PIP5K1C: variants seen among roughly 807,000 people sequenced by gnomAD.
PIP5K1C encodes phosphatidylinositol-4-phosphate 5-kinase type 1 gamma, also known as phosphatidylinositol 4-phosphate 5-kinase type-1 gamma.
Under a neutral mutation model 80.1 loss-of-function variants are expected in PIP5K1C, and 45 were observed. The ratio of observed to expected loss-of-function variants is 0.56; its 90% confidence interval spans 0.44 to 0.72. PIP5K1C has a LOEUF of 0.72. PIP5K1C is among the 30% of genes least tolerant of loss of function. The pLI, the probability that PIP5K1C is intolerant of heterozygous loss-of-function variation, is 0.00. For missense variants in PIP5K1C, 753 were observed against 954.6 expected, an observed-to-expected ratio of 0.79 and a Z score of 2.78; for synonymous variants, 498 against 420.1, an observed-to-expected ratio of 1.19 and a Z score of -2.27.
intron 5 of PIP5K1C, among the ~76,000 whole-genome samples, chr19:3,658,739 CTG>C (rs1378381280): frequency 3.9e-5 from 6 of 152,218 alleles, no homozygotes; most frequent in African/African-American, 1.2e-4. Context: ...GCGGAAAACA[CTG>C]TGGAAAGGGC....
chr19:3,690,539 C>CTTAG (rs2068163040), intron 1 of PIP5K1C, among the ~76,000 whole-genome samples: 1 of 151,466 alleles, frequency 6.6e-6, no homozygotes, highest in Non-Finnish European at 1.5e-5. Flanking sequence ...TTATAAAAGT[C>CTTAG]TTAGCAGAAT....
Position 3,648,721 on chromosome 19 carries a change from G to A in PIP5K1C, c.1128-13C>T, listed in dbSNP as rs561046703. 1.2e-6 allele frequency: 2 copies of A among 1,610,744 alleles called. No homozygotes were observed. The highest frequency in any genetic ancestry group is 2.2e-5 in the East Asian group (1 of 44,874). The stretch of plus-strand genomic sequence containing the variant: ...GATCCCGCCCATCCTGGGGAGAGAG[G>A]CCGAGGGTACCATCAGCATCCCGCA... On this transcript the variant is annotated splice_polypyrimidine_tract_variant and intron_variant, in intron 8 of 17. Coordinates refer to ENST00000335312, the MANE Select transcript of PIP5K1C (RefSeq NM_012398.3). This position sits in a 1 kb window ranked among gnomAD's most constrained non-coding sequence, Gnocchi z 4.3.
In PIP5K1C at chr19:3,667,582, G is replaced by T. The variant is rs193289688; in HGVS notation, c.95-229C>A. 4.0e-3 allele frequency among the ~76,000 whole-genome samples: 605 copies of T among 152,368 alleles called. 7 individuals carry two copies. The highest frequency in any genetic ancestry group is 0.031 in the Middle Eastern group (9 of 294). On this transcript the variant is annotated intron_variant, in intron 1 of 17. Transcript: ENST00000335312. ...ATGGTCACCCTGGTTGGCAGCCACTGGGGCCTAGAGCAGGGGAGAGGCTTT... is the reference window on the plus strand; with the variant it reads ...ATGGTCACCCTGGTTGGCAGCCACTTGGGCCTAGAGCAGGGGAGAGGCTTT...
chr19:3,656,810 C>T (rs890202158), intron 5 of PIP5K1C, among the ~76,000 whole-genome samples: 1 of 152,226 alleles, frequency 6.6e-6, no homozygotes, highest in African/African-American at 2.4e-5. Flanking sequence ...CTGCTGCTCT[C>T]CTTAGGAGCG....
At chr19:3,633,218 C>T (rs1300072371) in intron 17 of PIP5K1C, 49 bp from the exon 18 acceptor site, 1 of 745,042 alleles carries the variant, frequency 1.3e-6, no homozygotes, top group Non-Finnish European at 2.5e-6. Flanking sequence ...AGGGCCCACC[C>T]CAGGCCCCCT....
Position 3,647,373 on chromosome 19 carries a change from G to C in PIP5K1C, c.1225C>G (p.Leu409Val), listed in dbSNP as rs1157383980. The change falls in exon 10 of 18, where the codon CTG (leucine) becomes GTG (valine). Residue 409 changes from leucine to valine, a missense_variant. Leu to Val is a conservative substitution (Grantham distance 32). Coordinates refer to ENST00000335312, the MANE Select transcript of PIP5K1C (RefSeq NM_012398.3). ...ILQSYRFIKKLEHTWKALVHD... is the reference protein window; with the variant it reads ...ILQSYRFIKKVEHTWKALVHD... Reference sequence around the variant, plus strand: ...ACGAGGGCCTTCCAGGTGTGCTCCAGTTTCTTGATGAACCTGTGGAGAGAG... The same window carrying C: ...ACGAGGGCCTTCCAGGTGTGCTCCACTTTCTTGATGAACCTGTGGAGAGAG... The C allele has an allele frequency of 6.3e-7, 1 of 1,583,168 alleles. No individual in the cohort carries two copies. Among genetic ancestry groups the C allele is most frequent in the African/African-American group, 1.4e-5 (1 of 73,952 alleles).
In PIP5K1C at chr19:3,638,892, T is replaced by C. The variant is rs2033825396; in HGVS notation, c.1912A>G (p.Ile638Val). 1.2e-6 allele frequency: 2 copies of C among 1,613,076 alleles called. No individual in the cohort carries two copies. The highest frequency in any genetic ancestry group is 2.2e-5 in the East Asian group (1 of 44,860). ...SDEEDAPATD[I>V]YFPTDERSWV... The stretch of plus-strand genomic sequence containing the variant: ...GAGCCCGGGGCACTTACAAAGTAGA[T>C]GTCGGTGGCGGGCGCGTCCTCCTCG... The change falls in exon 16 of 18, where the codon ATC becomes GTC. Residue 638 changes from isoleucine (I) to valine (V), a missense_variant. Coordinates refer to ENST00000335312, the MANE Select transcript of PIP5K1C (RefSeq NM_012398.3).
At chr19:3,693,912 G>T (rs2036022283) in intron 1 of PIP5K1C, among the ~76,000 whole-genome samples, 1 of 152,050 alleles carries the variant, frequency 6.6e-6, no homozygotes, top group Non-Finnish European at 1.5e-5. Context: ...CTACAAAAAA[G>T]TTTTAAAAAT....
In PIP5K1C at chr19:3,692,967, C is replaced by G. The variant is rs2035990261; in HGVS notation, c.94+7330G>C. On this transcript the variant is annotated intron_variant, in intron 1 of 17. Coordinates refer to ENST00000335312, the MANE Select transcript of PIP5K1C (RefSeq NM_012398.3). This position sits in a 1 kb window ranked among gnomAD's most constrained non-coding sequence, Gnocchi z 5.2. The stretch of plus-strand genomic sequence containing the variant: ...CCCTGGATCTCTGTTCAAGTGTGGC[C>G]CCCGAGTCCCCAGCCTTGAGGGCAC... Among the ~76,000 whole-genome samples the G allele has an allele frequency of 1.3e-5, 2 of 152,038 alleles. No homozygotes were observed. Among genetic ancestry groups the G allele is most frequent in the Non-Finnish European group, 2.9e-5 (2 of 67,996 alleles).
rs1409140673 is a variant in PIP5K1C, at chr19:3,648,777, GA to G, written c.1128-70del. 1 of 1,366,826 alleles carries G rather than the reference GA, an allele frequency of 7.3e-7. No homozygotes were observed. The highest frequency in any genetic ancestry group is 1.0e-6 in the Non-Finnish European group (1 of 959,638). 84.7% of individuals were successfully genotyped at this position (1,366,826 alleles called of 1,614,324 possible). A position where few individuals can be genotyped will look rare whatever the true frequency, so the allele number is the denominator to read the frequency against. On this transcript the variant is annotated intron_variant, in intron 8 of 17. Coordinates refer to ENST00000335312, the MANE Select transcript of PIP5K1C (RefSeq NM_012398.3). This position sits in a 1 kb window ranked among gnomAD's most constrained non-coding sequence, Gnocchi z 4.3. The stretch of plus-strand genomic sequence containing the variant: ...GGGACTCGGGGCAGGCGGGGCTGGG[GA>G]CTCCAGGGCTAGGGAGTCCATCTGC...
At chr19:3,667,451 CG>C in intron 1 of PIP5K1C, 98 bp from the exon 2 acceptor site, 1 of 1,317,642 alleles carries the variant, frequency 7.6e-7, no homozygotes. Flanking sequence ...CCAGGCCTGG[CG>C]TGTGTAACTC....
Position 3,648,773 on chromosome 19 carries a change from T to G in PIP5K1C, c.1128-65A>C. 7.0e-7 allele frequency: 1 copy of G among 1,420,452 alleles called. No individual in the cohort carries two copies. The highest frequency in any genetic ancestry group is 9.9e-7 in the Non-Finnish European group (1 of 1,007,222). The allele number at this position is 1,420,452 out of a possible 1,614,324, so 88.0% of individuals were successfully genotyped here. A position where few individuals can be genotyped will look rare whatever the true frequency, so the allele number is the denominator to read the frequency against. The stretch of plus-strand genomic sequence containing the variant: ...AGCTGGGACTCGGGGCAGGCGGGGC[T>G]GGGGACTCCAGGGCTAGGGAGTCCA... On this transcript the variant is annotated intron_variant, in intron 8 of 17. Coordinates refer to ENST00000335312, the MANE Select transcript of PIP5K1C (RefSeq NM_012398.3). This position sits in a 1 kb window ranked among gnomAD's most constrained non-coding sequence, Gnocchi z 4.3.
At chr19:3,639,656 T>C (rs2033881026) in intron 15 of PIP5K1C, among the ~76,000 whole-genome samples, 1 of 151,688 alleles carries the variant, frequency 6.6e-6, no homozygotes, top group African/African-American at 2.4e-5. Context: ...GGTCTCCAAC[T>C]CATGGGGTCA....
intron 16 of PIP5K1C, among the ~76,000 whole-genome samples, chr19:3,638,279 C>T (rs754825547): frequency 6.6e-6 from 1 of 152,138 alleles, no homozygotes; most frequent in Non-Finnish European, 1.5e-5. Context: ...CAAGGGAGAG[C>T]AGGGATCCCA....
At chr19:3,643,404 A>G in intron 12 of PIP5K1C, 23 bp from the exon 13 acceptor site, 1 of 1,612,184 alleles carries the variant, frequency 6.2e-7, no homozygotes. Flanking sequence ...GACTGTGGGC[A>G]CCTTGCGGAG....
chr19:3,658,873 G>A (rs555255518), intron 5 of PIP5K1C, among the ~76,000 whole-genome samples: 1 of 152,318 alleles, frequency 6.6e-6, no homozygotes, highest in South Asian at 2.1e-4. Context: ...GGCCCCATGC[G>A]TGGATTTCTG....
intron 5 of PIP5K1C, among the ~76,000 whole-genome samples, chr19:3,657,096 G>A (rs963040789): frequency 6.6e-6 from 1 of 152,184 alleles, no homozygotes; most frequent in African/African-American, 2.4e-5. Context: ...CTCTGGGATG[G>A]AAGCTGCATC....
At chr19:3,676,141 C>T (rs2035349590) in intron 1 of PIP5K1C, among the ~76,000 whole-genome samples, 1 of 148,104 alleles carries the variant, frequency 6.8e-6, no homozygotes, top group East Asian at 1.9e-4. Context: ...ACCCATGTGG[C>T]CAGGCCTCCC....
chr19:3,694,092 G>T (rs1279643005), intron 1 of PIP5K1C, among the ~76,000 whole-genome samples: 6 of 151,612 alleles, frequency 4.0e-5, no homozygotes, highest in African/African-American at 1.5e-4. Context: ...GACGCCTGTA[G>T]TCCCAGCTAC....
Sources: allele counts gnomAD v4.1 joint callset (sites outside exome capture counted in the v4.1 genomes callset), GRCh38; gene constraint gnomAD v4.1.1; non-coding constraint Gnocchi (gnomAD v3.1); transcripts MANE v1.5; gene names NCBI Gene and HGNC (gene_info 2026-07-23, HGNC 2026-07-21).